Variants in MYO1H observed in about 807,000 individuals in gnomAD.
The protein encoded by MYO1H is myosin IH, also known as unconventional myosin-Ih.
In MYO1H, 118 loss-of-function variants were observed where a neutral mutation model predicts 149.3. The ratio of observed to expected loss-of-function variants is 0.79; its 90% CI spans 0.68 to 0.92. The LOEUF (loss-of-function observed/expected upper bound fraction) is 0.92. MYO1H is among the 40% of genes least tolerant of loss of function. MYO1H has a pLI of 0.00. For missense variants in MYO1H, 1,212 were observed against 1,280.7 expected, an observed-to-expected ratio of 0.95 and a Z score of 0.82; for synonymous variants, 447 against 465.2, an observed-to-expected ratio of 0.96 and a Z score of 0.50.
chr12:109,445,822 C>G, intron 31 of MYO1H: 2 of 985,364 alleles, frequency 2.0e-6, no homozygotes, highest in Non-Finnish European at 2.4e-6. Context: ...AGAAAAAAAG[C>G]TTAACCATCC....
chr12:109,322,805 G>A, the MYO1H span, among the ~76,000 whole-genome samples: 4 of 135,814 alleles, frequency 2.9e-5, no homozygotes, highest in African/African-American at 1.2e-4. Flanking sequence ...GGATGGCAGA[G>A]GGAGACTCCG....
At chr12:109,395,559 C>T (rs192125890) in intron 3 of MYO1H, among the ~76,000 whole-genome samples, 22 of 151,980 alleles carry the variant, frequency 1.4e-4, no homozygotes, top group Admixed American at 3.3e-4. Flanking sequence ...CATGGTGAAA[C>T]CCCGTCTCTA....
At chr12:109,324,897 G>T in the MYO1H span, among the ~76,000 whole-genome samples, 1 of 152,020 alleles carries the variant, frequency 6.6e-6, no homozygotes, top group Non-Finnish European at 1.5e-5. Context: ...ACAGGCCCTG[G>T]TGTATGATGT....
intron 26 of MYO1H, 77 bp downstream of exon 26, chr12:109,441,785 G>T: frequency 9.8e-7 from 1 of 1,016,290 alleles, no homozygotes; most frequent in Non-Finnish European, 1.5e-6. Context: ...GGTGGCTCAT[G>T]CCCATAATCT....
chr12:109,371,584 T>C (rs1868983901), intron 1 of MYO1H, among the ~76,000 whole-genome samples: 1 of 152,218 alleles, frequency 6.6e-6, no homozygotes. Context: ...TTTCATTGGA[T>C]GCATGAACCA....
Position 109,443,760 on chromosome 12 carries a change from C to T in MYO1H, c.2824+111C>T, listed in dbSNP as rs541182663. ...ACAAGTGTAGGGTGCCCATAAACCC[C>T]GGGGTAGTGATGCACACCTGTAGTC... On this transcript the variant is annotated intron_variant, in intron 28 of 31. Transcript: ENST00000310903. 1.0e-4 allele frequency: 128 copies of T among 1,251,462 alleles called. 1 individual carries two copies. Among genetic ancestry groups the T allele is most frequent in the Middle Eastern group, 9.6e-4 (5 of 5,212 alleles). 77.5% of individuals were successfully genotyped at this position (1,251,462 alleles called of 1,614,324 possible).
At chr12:109,311,451 A>G in the MYO1H span, among the ~76,000 whole-genome samples, 2 of 152,238 alleles carry the variant, frequency 1.3e-5, no homozygotes, top group African/African-American at 4.8e-5. Flanking sequence ...GCTTTGTTAG[A>G]TCAATCTGTT....
At chr12:109,353,944 C>T (rs1176188292) in intron 1 of MYO1H, 1 of 152,166 alleles carries the variant, frequency 6.6e-6, no homozygotes, top group Non-Finnish European at 1.5e-5. Flanking sequence ...CGTTAGCCAC[C>T]ACGCCTGGCC....
chr12:109,323,337 T>A, the MYO1H span, among the ~76,000 whole-genome samples: 1 of 152,362 alleles, frequency 6.6e-6, no homozygotes, highest in African/African-American at 2.4e-5. Context: ...TCGGGTTCCA[T>A]TGGTTTGTCC....
the MYO1H span, among the ~76,000 whole-genome samples, chr12:109,329,077 C>A: frequency 3.1e-4 from 45 of 144,248 alleles, 1 homozygote; most frequent in East Asian, 8.1e-3. Context: ...TTAGGAACCT[C>A]CTTTCTTTAT....
At chr12:109,410,189 T>G in intron 12 of MYO1H, 121 bp downstream of exon 12, 1 of 499,168 alleles carries the variant, frequency 2.0e-6, no homozygotes, top group Non-Finnish European at 3.4e-6. Flanking sequence ...TCGCCCAGGC[T>G]GGAGTCCAGT....
intron 2 of MYO1H, 44 bp downstream of exon 2, chr12:109,388,888 C>T (rs1236951902): frequency 1.9e-6 from 3 of 1,556,226 alleles, no homozygotes; most frequent in African/African-American, 2.7e-5. Flanking sequence ...GGTGGTTGTT[C>T]CCTTCTTGCC....
At chr12:109,387,447 T>C (rs1869391363) in intron 1 of MYO1H, among the ~76,000 whole-genome samples, 1 of 152,218 alleles carries the variant, frequency 6.6e-6, no homozygotes, top group African/African-American at 2.4e-5. Context: ...TGTCAATTTA[T>C]TGCCTCTCAG....
rs1200564015 is a variant in MYO1H, at chr12:109,441,679, T to A, written c.2603T>A (p.Leu868Ter). ...AGGAAAGACGGCTACACAGAAAGTT[T>A]AAATCAACCCTTTGTCAACAGTCGG... is the stretch of plus-strand genomic sequence containing the variant. Residue 868 changes from leucine to a stop codon, truncating the protein, a stop_gained, in exon 26 of 32, where the codon TTA becomes TAA. Transcript: ENST00000310903. LOFTEE classifies it high-confidence loss of function. 45 of 1,612,930 alleles carry A rather than the reference T, an allele frequency of 2.8e-5. No homozygotes were observed. Among genetic ancestry groups the A allele is most frequent in the Non-Finnish European group, 3.7e-5 (44 of 1,179,340 alleles).
At chr12:109,356,460 G>GTTCTTTGGGAAAGAGGAAAGCTTTTC (rs1868605957) in intron 1 of MYO1H, among the ~76,000 whole-genome samples, 1 of 152,054 alleles carries the variant, frequency 6.6e-6, no homozygotes, top group Non-Finnish European at 1.5e-5. Flanking sequence ...AACCTCATGG[G>GTTCTTTGGGAAAGAGGAAAGCTTTTC]CTCTGGGAAA....
the MYO1H span, among the ~76,000 whole-genome samples, chr12:109,327,528 C>G: frequency 6.6e-6 from 1 of 151,620 alleles, no homozygotes; most frequent in Admixed American, 6.6e-5. Context: ...GGGTGGATCA[C>G]TGAGGTCAGG....
At chr12:109,314,897 C>T in the MYO1H span, among the ~76,000 whole-genome samples, 8 of 152,188 alleles carry the variant, frequency 5.3e-5, no homozygotes, top group East Asian at 9.7e-4. Flanking sequence ...CCCAGGAATT[C>T]GAGACCAGCT....
At chr12:109,418,443 G>A (rs1486010929) in intron 15 of MYO1H, among the ~76,000 whole-genome samples, 4 of 151,836 alleles carry the variant, frequency 2.6e-5, no homozygotes, top group Admixed American at 2.6e-4. Context: ...CTGCCTCCCG[G>A]GGTTCAAGCG....
chr12:109,322,647 C>CT, the MYO1H span, among the ~76,000 whole-genome samples: 1 of 151,818 alleles, frequency 6.6e-6, no homozygotes, highest in South Asian at 2.1e-4. Context: ...TGGTGAAACT[C>CT]TGTCTCTACT....
Sources: gnomAD v4.1 joint callset for allele counts (sites outside exome capture counted in the v4.1 genomes callset) on GRCh38, gnomAD v4.1.1 for gene constraint, MANE v1.5 for transcripts, NCBI Gene and HGNC (gene_info 2026-07-23, HGNC 2026-07-21) for gene names.